Variants in GREP1 observed in about 807,000 individuals in gnomAD.
The protein encoded by GREP1 is glycine rich extracellular protein 1, also known as glycine-rich extracellular protein 1.
exon 11 of GREP1, chr16:2,994,700 C>T (rs2072415669): frequency 2.5e-6 from 1 of 399,038 alleles, no homozygotes; most frequent in Non-Finnish European, 4.4e-6. Context: ...CTCCACAGGC[C>T]CCACCACTCA....
intron 14 of GREP1, 80 bp downstream of exon 15, chr16:2,995,396 C>T (rs2151100264): frequency 2.5e-6 from 1 of 398,924 alleles, no homozygotes; most frequent in East Asian, 3.6e-5. Flanking sequence ...TCCATCTGTC[C>T]CCCAGGATTA....
In GREP1 at chr16:2,997,712, T is replaced by A. The variant is rs9933356; in HGVS notation, c.917-91T>A. On this transcript the variant is annotated intron_variant, in intron 22 of 34. Coordinates refer to ENST00000573315, the Ensembl canonical transcript of GREP1. ...ATGGACCAGGAAGGGGAGGTTGGCATGGGCACCAGGTGGGGGACAGATGCC... is the reference window on the plus strand; with the variant it reads ...ATGGACCAGGAAGGGGAGGTTGGCAAGGGCACCAGGTGGGGGACAGATGCC... 6.3e-3 allele frequency: 2,508 copies of A among 398,502 alleles called. 51 individuals are homozygous for A. The highest frequency in any genetic ancestry group is 0.044 in the African/African-American group (2,156 of 48,668). 24.7% of individuals were successfully genotyped at this position (398,502 alleles called of 1,614,324 possible). A position where few individuals can be genotyped will look rare whatever the true frequency, so the allele number is the denominator to read the frequency against.
chr16:2,989,629 A>G lies in GREP1; in HGVS notation c.130+77A>G, dbSNP rs1283284629. 1 of 393,330 alleles carries G rather than the reference A, an allele frequency of 2.5e-6. No homozygotes were observed. Among genetic ancestry groups the G allele is most frequent in the African/African-American group, 2.1e-5 (1 of 48,058 alleles). The allele number at this position is 393,330 out of a possible 1,614,324, so 24.4% of individuals were successfully genotyped here. A position where few individuals can be genotyped will look rare whatever the true frequency, so the allele number is the denominator to read the frequency against. The stretch of plus-strand genomic sequence containing the variant: ...GGGGGAGGCAGGACAGGAACAGGGA[A>G]AGCTGGGCGGGGGGCAGGTAAAGGG... On this transcript the variant is annotated intron_variant, in intron 3 of 34. Coordinates refer to ENST00000573315, the Ensembl canonical transcript of GREP1. The surrounding 1 kb of genome is among the most constrained non-coding windows in gnomAD (Gnocchi z 4.2).
intron 25 of GREP1, 145 bp downstream of exon 23, chr16:2,998,668 GGA>G (rs773509853): frequency 6.8e-4 from 272 of 398,062 alleles, no homozygotes; most frequent in Middle Eastern, 1.9e-3. Flanking sequence ...GGTCCCCCCA[GGA>G]GAGTGTGGAC....
Position 2,989,713 on chromosome 16 carries a change from G to A in GREP1, c.130+161G>A, listed in dbSNP as rs568434708. Among the ~76,000 whole-genome samples, 5 of 152,074 alleles carry A rather than the reference G, an allele frequency of 3.3e-5. No individual in the cohort carries two copies. Among genetic ancestry groups the A allele is most frequent in the Non-Finnish European group, 7.4e-5 (5 of 67,976 alleles). On this transcript the variant is annotated intron_variant, in intron 3 of 34. Transcript: ENST00000573315. This position sits in a 1 kb window ranked among gnomAD's most constrained non-coding sequence, Gnocchi z 4.2. ...AGCATAGCCCCAGAGTGTCCCCCAGGCACCCTGGCTGGGGAGAGGGGAAGG... is the reference window on the plus strand; with the variant it reads ...AGCATAGCCCCAGAGTGTCCCCCAGACACCCTGGCTGGGGAGAGGGGAAGG...
In GREP1 at chr16:2,999,756, G is replaced by A. The variant is rs529965072; in HGVS notation, c.1190-146G>A. 1.0e-4 allele frequency: 40 copies of A among 397,164 alleles called. No homozygotes were observed. The East Asian group carries it at 1.4e-3, about 14-fold the overall frequency. The allele number at this position is 397,164 out of a possible 1,614,324, so 24.6% of individuals were successfully genotyped here. On this transcript the variant is annotated intron_variant, in intron 27 of 34. Coordinates refer to ENST00000573315, the Ensembl canonical transcript of GREP1. ...CGTGAGCCACTGCGCCCAGTCTCTT[G>A]CTGCTCTCCAGATTTCTTCTGGTTC...
Position 2,995,669 on chromosome 16 carries a change from G to T in GREP1, c.589+15G>T, listed in dbSNP as rs572709135. ...ATTTGGAGCAGGTAGGAGCAGGGGTGGGGAGGGGCTGGGGGAGAATGTGGG... is the reference window on the plus strand; with the variant it reads ...ATTTGGAGCAGGTAGGAGCAGGGGTTGGGAGGGGCTGGGGGAGAATGTGGG... On this transcript the variant is annotated intron_variant, in intron 16 of 34. Coordinates refer to ENST00000573315, the Ensembl canonical transcript of GREP1. The T allele has an allele frequency of 5.0e-6, 2 of 398,726 alleles. No homozygotes were observed. Among genetic ancestry groups the T allele is most frequent in the East Asian group, 3.6e-5 (1 of 28,060 alleles). 24.7% of individuals were successfully genotyped at this position (398,726 alleles called of 1,614,324 possible). A position where few individuals can be genotyped will look rare whatever the true frequency, so the allele number is the denominator to read the frequency against.
Position 2,992,609 on chromosome 16 carries a change from G to A in GREP1, c.323-196G>A, listed in dbSNP as rs2072404761. The A allele has an allele frequency of 7.7e-6, 3 of 389,020 alleles. No homozygotes were observed. The highest frequency in any genetic ancestry group is 4.1e-5 in the African/African-American group (2 of 48,578). 24.1% of individuals were successfully genotyped at this position (389,020 alleles called of 1,614,324 possible). A position where few individuals can be genotyped will look rare whatever the true frequency, so the allele number is the denominator to read the frequency against. On this transcript the variant is annotated intron_variant, in intron 8 of 34. Coordinates refer to ENST00000573315, the Ensembl canonical transcript of GREP1. The surrounding 1 kb of genome is among the most constrained non-coding windows in gnomAD (Gnocchi z 4.9). ...ATGGAGGACACCCAAGCTGGTCAAG[G>A]GTGGCCACGGTCTGGACTCCCGGGC...
At position 2,998,834 on chromosome 16, in the gene GREP1, C is replaced by T; in HGVS notation, c.1013-14C>T. 2.5e-6 allele frequency: 1 copy of T among 399,150 alleles called. No individual in the cohort carries two copies. Among genetic ancestry groups the T allele is most frequent in the Non-Finnish European group, 4.4e-6 (1 of 226,110 alleles). The allele number at this position is 399,150 out of a possible 1,614,324, so 24.7% of individuals were successfully genotyped here. On this transcript the variant is annotated splice_polypyrimidine_tract_variant and intron_variant, in intron 25 of 34. Coordinates refer to ENST00000573315, the Ensembl canonical transcript of GREP1. ...TGGAGCATAGCCCCACCCCTCCCTT[C>T]CTTCCCATCGTAGGTCCCTGCAATG...
chr16:2,998,873 G>A (rs1310056061), exon 26 of GREP1: 6 of 398,980 alleles, frequency 1.5e-5, no homozygotes, highest in East Asian at 3.6e-5. Context: ...GGGTCGCTCC[G>A]ATGCTCCTCC....
chr16:2,998,811 G>A (rs950206930), intron 25 of GREP1, 37 bp from the exon 24 acceptor site: 3 of 398,922 alleles, frequency 7.5e-6, no homozygotes, highest in African/African-American at 6.2e-5. Flanking sequence ...GACTGGCCTG[G>A]AGCATAGCCC....
At chr16:2,995,051 T>C (rs1035825177) in intron 13 of GREP1, 89 bp downstream of exon 14, 4 of 398,008 alleles carry the variant, frequency 1.0e-5, no homozygotes, top group Non-Finnish European at 1.8e-5. Context: ...TGGAGAGGGG[T>C]GACGGGGCGT....
chr16:2,989,151 T>C lies in GREP1; in HGVS notation c.101-372T>C, dbSNP rs2072386311. The C allele has an allele frequency of 1.1e-5, 3 of 283,818 alleles. No individual in the cohort carries two copies. Among genetic ancestry groups the C allele is most frequent in the African/African-American group, 4.4e-5 (2 of 45,880 alleles). The allele number at this position is 283,818 out of a possible 1,614,324, so 17.6% of individuals were successfully genotyped here. On this transcript the variant is annotated intron_variant, in intron 2 of 34. Coordinates refer to ENST00000573315, the Ensembl canonical transcript of GREP1. The surrounding 1 kb of genome is among the most constrained non-coding windows in gnomAD (Gnocchi z 4.2). ...AGGGAGAGGAGCCCAGTACTGAGAA[T>C]GGATGGGAGAGGAGAGGAAGAGGGT...
chr16:2,990,820 C>T (rs1419832877), intron 7 of GREP1, among the ~76,000 whole-genome samples: 1 of 152,150 alleles, frequency 6.6e-6, no homozygotes, highest in African/African-American at 2.4e-5. Context: ...TGGGCCTCAC[C>T]CCTGCCTCAG....
chr16:3,001,871 G>A (rs557204972), exon 35 of GREP1: 8 of 374,984 alleles, frequency 2.1e-5, no homozygotes, highest in East Asian at 3.8e-5. Flanking sequence ...CTCGATCAAC[G>A]CCTGCCCTCA....
At chr16:2,999,932 G>C in exon 28 of GREP1, 1 of 399,070 alleles carries the variant, frequency 2.5e-6, no homozygotes, top group Non-Finnish European at 4.4e-6. Flanking sequence ...TATGGACCGG[G>C]AGCAGAACCA....
At chr16:3,000,394 C>G (rs565943599) in intron 30 of GREP1, 1 of 399,150 alleles carries the variant, frequency 2.5e-6, no homozygotes, top group African/African-American at 2.1e-5. Flanking sequence ...GAGTTGGGCT[C>G]AGGGCCCCAG....
In GREP1 at chr16:3,001,262, C is replaced by A; in HGVS notation, c.1532-19C>A. 2.5e-6 allele frequency: 1 copy of A among 399,060 alleles called. No homozygotes were observed. The allele number at this position is 399,060 out of a possible 1,614,324, so 24.7% of individuals were successfully genotyped here. ...CTCTGGTGACCCGAGTGCTCCTGGT[C>A]TGTCTGTCTGTGCCACAGGGGGCCC... On this transcript the variant is annotated intron_variant, in intron 33 of 34. Coordinates refer to ENST00000573315, the Ensembl canonical transcript of GREP1.
At chr16:2,998,604 G>A (rs2072440540) in intron 25 of GREP1, 81 bp downstream of exon 23, 1 of 398,564 alleles carries the variant, frequency 2.5e-6, no homozygotes, top group Non-Finnish European at 4.4e-6. Context: ...CCTCCATCAG[G>A]AGCCCCATCC....
Sources: gnomAD v4.1 joint callset for allele counts (sites outside exome capture counted in the v4.1 genomes callset) on GRCh38, gnomAD v4.1.1 for gene constraint, Gnocchi (gnomAD v3.1) non-coding constraint, MANE v1.5 for transcripts, NCBI Gene and HGNC (gene_info 2026-07-23, HGNC 2026-07-21) for gene names.